LAPTM4B: variants seen among roughly 807,000 people sequenced by gnomAD.
LAPTM4B encodes lysosomal-associated transmembrane protein 4B.
A neutral mutation model predicts 28.5 loss-of-function variants in LAPTM4B; 26 were observed. The ratio of observed to expected loss-of-function variants is 0.91; its 90% CI spans 0.67 to 1.27. The LOEUF is 1.27. LAPTM4B is among the 50% of genes most tolerant of loss of function. The pLI, the probability that LAPTM4B is intolerant of heterozygous loss-of-function variation, is 0.00. For missense variants in LAPTM4B, 288 were observed against 285.8 expected, an observed-to-expected ratio of 1.01 and a Z score of -0.06; for synonymous variants, 109 against 106.4, an observed-to-expected ratio of 1.02 and a Z score of -0.15.
chr8:97,834,648 C>T (rs551129563), intron 6 of LAPTM4B, among the ~76,000 whole-genome samples: 25 of 152,156 alleles, frequency 1.6e-4, no homozygotes, highest in African/African-American at 5.5e-4. Flanking sequence ...TGCACCTGGG[C>T]CTCAAACTTA....
Position 97,803,020 on chromosome 8 carries a change from GA to G in LAPTM4B, c.100-2330del, listed in dbSNP as rs1816710872. 4.6e-5 allele frequency among the ~76,000 whole-genome samples: 7 copies of G among 151,928 alleles called. No individual in the cohort carries two copies. The South Asian group carries it at 1.5e-3, about 32-fold the overall frequency. On this transcript the variant is annotated intron_variant, in intron 1 of 6. Coordinates refer to ENST00000521545, the MANE Select transcript of LAPTM4B (RefSeq NM_018407.6). ...TCAAGACCAGCCTGACCAAGACGGT[GA>G]AACCCCATCTCTACTAAAAATACAA... is the stretch of plus-strand genomic sequence containing the variant.
At position 97,779,689 on chromosome 8, in the gene LAPTM4B, G is replaced by T. The variant is rs181335349; in HGVS notation, c.99+3581G>T. On this transcript the variant is annotated intron_variant, in intron 1 of 6. Coordinates refer to ENST00000521545, the MANE Select transcript of LAPTM4B (RefSeq NM_018407.6). ...AATCCCAGCTACTCAGGAGGCTGAGGCATGAGAATTGCTTGAACTCTGGAG... is the reference window on the plus strand; with the variant it reads ...AATCCCAGCTACTCAGGAGGCTGAGTCATGAGAATTGCTTGAACTCTGGAG... 5.9e-5 allele frequency among the ~76,000 whole-genome samples: 9 copies of T among 151,550 alleles called. 1 individual carries two copies. Among genetic ancestry groups the T allele is most frequent in the Admixed American group, 5.9e-4 (9 of 15,220 alleles).
chr8:97,803,235 A>G (rs929472722), intron 1 of LAPTM4B, among the ~76,000 whole-genome samples: 3 of 151,966 alleles, frequency 2.0e-5, no homozygotes, highest in Non-Finnish European at 4.4e-5. Context: ...GAATCCTACA[A>G]TAATCCTGAA....
In LAPTM4B at chr8:97,775,918, G is replaced by GGA; in HGVS notation, c.-90_-89dup. The GGA allele has an allele frequency of 6.9e-7, 1 of 1,457,632 alleles. No individual in the cohort carries two copies. The highest frequency in any genetic ancestry group is 2.4e-4 in the Middle Eastern group (1 of 4,218). 90.3% of individuals were successfully genotyped at this position (1,457,632 alleles called of 1,614,324 possible). A position where few individuals can be genotyped will look rare whatever the true frequency, so the allele number is the denominator to read the frequency against. On this transcript the variant is annotated 5_prime_UTR_variant, in exon 1 of 7. Transcript: ENST00000521545. The stretch of plus-strand genomic sequence containing the variant: ...GCGGGCCGGGAGCCGGAGCGGCGGA[G>GGA]GAGCCGGCAGCAGCGGCGCGGCGGG...
intron 6 of LAPTM4B, among the ~76,000 whole-genome samples, chr8:97,845,357 T>TA (rs1817412260): frequency 6.6e-6 from 1 of 151,978 alleles, no homozygotes; most frequent in Admixed American, 6.6e-5. Flanking sequence ...TTTTTTTTTT[T>TA]AAACTTTTAC....
At chr8:97,843,788 T>C (rs1344737206) in intron 6 of LAPTM4B, among the ~76,000 whole-genome samples, 1 of 102,898 alleles carries the variant, frequency 9.7e-6, no homozygotes, top group Non-Finnish European at 2.1e-5. Flanking sequence ...CTCAAATAAA[T>C]AAATAAATAA....
At chr8:97,782,906 T>TTTA (rs1816343348) in intron 1 of LAPTM4B, among the ~76,000 whole-genome samples, 1 of 135,078 alleles carries the variant, frequency 7.4e-6, no homozygotes, top group African/African-American at 2.8e-5. Context: ...TAATTTTGTA[T>TTTA]TTTATTTATT....
chr8:97,826,110 G>T (rs914594831), intron 6 of LAPTM4B, among the ~76,000 whole-genome samples: 5 of 152,154 alleles, frequency 3.3e-5, no homozygotes. Context: ...TATAAAATGA[G>T]ACTAAAACAG....
chr8:97,846,094 A>C (rs540254181), intron 6 of LAPTM4B, among the ~76,000 whole-genome samples: 1 of 151,092 alleles, frequency 6.6e-6, no homozygotes, highest in African/African-American at 2.4e-5. Flanking sequence ...AGGTCAAGCA[A>C]TCCTCCTGCT....
chr8:97,819,088 AC>A, intron 4 of LAPTM4B, 51 bp from the exon 5 acceptor site: 5 of 1,087,444 alleles, frequency 4.6e-6, no homozygotes, highest in Non-Finnish European at 7.0e-6. Flanking sequence ...CCCAAGGAAT[AC>A]TGTCTGGAAT....
intron 1 of LAPTM4B, among the ~76,000 whole-genome samples, chr8:97,796,916 C>T (rs1054591803): frequency 6.6e-6 from 1 of 151,870 alleles, no homozygotes; most frequent in Non-Finnish European, 1.5e-5. Context: ...CTCCAGCTTG[C>T]GTGACAGAGT....
intron 6 of LAPTM4B, among the ~76,000 whole-genome samples, chr8:97,833,636 C>T (rs1386157025): frequency 2.0e-5 from 3 of 152,132 alleles, no homozygotes; most frequent in Non-Finnish European, 4.4e-5. Flanking sequence ...TAGTCTTCTG[C>T]ATTACCAGCG....
chr8:97,817,638 TG>T (rs1406405979), intron 4 of LAPTM4B, among the ~76,000 whole-genome samples: 5 of 151,820 alleles, frequency 3.3e-5, no homozygotes, highest in Non-Finnish European at 7.4e-5. Context: ...TTAGTAGAGA[TG>T]GGGTTTCACC....
intron 1 of LAPTM4B, among the ~76,000 whole-genome samples, chr8:97,788,788 G>A (rs1047343617): frequency 4.7e-5 from 7 of 149,728 alleles, no homozygotes; most frequent in Admixed American, 3.3e-4. Context: ...TCCACCTCCC[G>A]GGTTCAAGCG....
intron 2 of LAPTM4B, among the ~76,000 whole-genome samples, chr8:97,812,232 T>TG (rs1816844474): frequency 6.7e-6 from 1 of 148,530 alleles, no homozygotes; most frequent in South Asian, 2.2e-4. Flanking sequence ...TTTTTGTTTT[T>TG]TTTTTGAGTC....
chr8:97,804,968 T>C (rs1816737887), intron 1 of LAPTM4B, among the ~76,000 whole-genome samples: 1 of 152,250 alleles, frequency 6.6e-6, no homozygotes. Flanking sequence ...CAACTTGGGT[T>C]GCTTACCTTT....
At chr8:97,821,827 G>A (rs903005425) in intron 5 of LAPTM4B, among the ~76,000 whole-genome samples, 2 of 152,018 alleles carry the variant, frequency 1.3e-5, no homozygotes, top group African/African-American at 4.8e-5. Flanking sequence ...AGGCCACAAG[G>A]GGTTATAGAC....
intron 6 of LAPTM4B, among the ~76,000 whole-genome samples, chr8:97,831,716 G>A (rs1197495704): frequency 6.6e-6 from 1 of 152,184 alleles, no homozygotes; most frequent in Non-Finnish European, 1.5e-5. Context: ...ATAGGTGGGA[G>A]TGATAGATGA....
chr8:97,789,868 C>T (rs1315997121), intron 1 of LAPTM4B, among the ~76,000 whole-genome samples: 1 of 152,150 alleles, frequency 6.6e-6, no homozygotes, highest in African/African-American at 2.4e-5. Context: ...CGTCACTCCC[C>T]ACTACCCTTC....
Sources: gnomAD v4.1 joint callset for allele counts (sites outside exome capture counted in the v4.1 genomes callset) on GRCh38, gnomAD v4.1.1 for gene constraint, MANE v1.5 for transcripts, NCBI Gene and HGNC (gene_info 2026-07-23, HGNC 2026-07-21) for gene names.